ITGA6: variants seen among roughly 807,000 people sequenced by gnomAD.
ITGA6 encodes the protein integrin alpha-6.
ITGA6 carries 63 observed loss-of-function variants against 133.6 expected under a neutral mutation model. The ratio of observed to expected loss-of-function variants is 0.47; its 90% CI spans 0.38 to 0.58. ITGA6 has a LOEUF of 0.58. Among genes scored for constraint, ITGA6 ranks in the 20% least tolerant of loss-of-function variants. The probability of loss-of-function intolerance (pLI) is 0.00; values close to 1 mark genes in which losing one functional copy is unlikely to be tolerated. For missense variants in ITGA6, 1,068 were observed against 1,309.4 expected (o/e 0.82, Z 2.85); for synonymous variants, 434 against 482.0 (o/e 0.90, Z 1.30).
At chr2:172,442,837 T>G (rs1684599255) in intron 1 of ITGA6, among the ~76,000 whole-genome samples, 1 of 152,166 alleles carries the variant, frequency 6.6e-6, no homozygotes, top group Non-Finnish European at 1.5e-5. Flanking sequence ...GCTTGTTTTA[T>G]GCAATTACAA....
chr2:172,477,782 GC>G (rs1686242010), intron 9 of ITGA6, among the ~76,000 whole-genome samples: 1 of 152,134 alleles, frequency 6.6e-6, no homozygotes, highest in South Asian at 2.1e-4. Flanking sequence ...GGAAACTGAG[GC>G]CCAGGACTTG....
intron 1 of ITGA6, among the ~76,000 whole-genome samples, chr2:172,453,260 C>T (rs1219787596): frequency 6.6e-6 from 1 of 152,000 alleles, no homozygotes; most frequent in Non-Finnish European, 1.5e-5. Context: ...GGCGCAGTGG[C>T]TCATACCTGT....
At chr2:172,436,291 TAG>T (rs1684317606) in intron 1 of ITGA6, among the ~76,000 whole-genome samples, 1 of 152,188 alleles carries the variant, frequency 6.6e-6, no homozygotes, top group African/African-American at 2.4e-5. Flanking sequence ...AATCCCAGAC[TAG>T]AGAAGTGTTT....
intron 20 of ITGA6, chr2:172,489,861 A>T (rs1686847840): frequency 1.8e-6 from 1 of 547,598 alleles, no homozygotes; most frequent in African/African-American, 1.9e-5. Context: ...TATAGTACAT[A>T]AGGCAGAGTC....
chr2:172,468,189 T>TA (rs1167193775), intron 3 of ITGA6, among the ~76,000 whole-genome samples: 2 of 152,200 alleles, frequency 1.3e-5, no homozygotes, highest in Admixed American at 6.5e-5. Context: ...TTAGTAAAAA[T>TA]ATGGGCATGG....
At chr2:172,494,309 C>A (rs974487381) in intron 23 of ITGA6, among the ~76,000 whole-genome samples, 2 of 152,114 alleles carry the variant, frequency 1.3e-5, no homozygotes, top group Non-Finnish European at 2.9e-5. Context: ...GAGTTAGAGA[C>A]CAGCCTGGGT....
intron 23 of ITGA6, among the ~76,000 whole-genome samples, chr2:172,497,502 CAAAA>C (rs34616494): frequency 1.1e-5 from 1 of 89,504 alleles, no homozygotes. Context: ...ACCCTGTCTC[CAAAA>C]AAAAAAAAAA....
intron 5 of ITGA6, among the ~76,000 whole-genome samples, chr2:172,472,435 T>G (rs1685981565): frequency 6.6e-6 from 1 of 152,268 alleles, no homozygotes; most frequent in Admixed American, 6.5e-5. Context: ...TTTATAAATT[T>G]ACTTGCTGTC....
rs569123527 is a variant in ITGA6, at chr2:172,462,053, A to AGGGAGG, written c.183-3484_183-3479dup. 4.6e-5 allele frequency among the ~76,000 whole-genome samples: 7 copies of AGGGAGG among 152,344 alleles called. No homozygotes were observed. In the East Asian group the frequency reaches 1.3e-3, roughly 29 times the overall value. ...AGAGCCTTTGCTTGTTTCCCAAACC[A>AGGGAGG]GGGAGGGCAGCTTTACCTTGAGGAT... On this transcript the variant is annotated intron_variant, in intron 1 of 25. Transcript: ENST00000684293.
chr2:172,488,219 T>C lies in ITGA6; in HGVS notation c.2496T>C (p.Tyr832=). Residue 832 remains tyrosine (Y), a synonymous_variant, in exon 19 of 26, where the codon TAT becomes TAC. Transcript: ENST00000684293. ...SEDEVGSLIE[Y]EFRVINLGKP... ...ATGAAGTGGGAAGTTTAATAGAGTA[T>C]GAATTCAGGGTAAGTTGGAGCAGTT... The C allele has an allele frequency of 6.2e-7, 1 of 1,611,290 alleles. No individual in the cohort carries two copies. The highest frequency in any genetic ancestry group is 1.7e-4 in the Middle Eastern group (1 of 6,058).
At chr2:172,465,369 C>T in intron 1 of ITGA6, 170 bp from the exon 2 acceptor site, 1 of 794,686 alleles carries the variant, frequency 1.3e-6, no homozygotes, top group African/African-American at 1.7e-5. Context: ...GTGCGTTTTG[C>T]ATGAACCAGC....
chr2:172,427,592 CTCAT>C lies in ITGA6; in HGVS notation c.-193_-190del. Reference sequence around the variant, plus strand: ...CTGCGAGTCTCCAGAGAACAACGGGCTCATTCAGCGGTCGCGAGCTGCCCGCGAG... The same window carrying C: ...CTGCGAGTCTCCAGAGAACAACGGGCTCAGCGGTCGCGAGCTGCCCGCGAG... On this transcript the variant is annotated 5_prime_UTR_variant, in exon 1 of 26. Transcript: ENST00000684293. 1 of 1,266,280 alleles carries C rather than the reference CTCAT, an allele frequency of 7.9e-7. No homozygotes were observed. The highest frequency in any genetic ancestry group is 2.7e-5 in the South Asian group (1 of 37,312). The allele number at this position is 1,266,280 out of a possible 1,614,324, so 78.4% of individuals were successfully genotyped here.
intron 9 of ITGA6, 49 bp downstream of exon 9, chr2:172,476,562 T>G: frequency 3.0e-5 from 33 of 1,102,466 alleles, no homozygotes; most frequent in Non-Finnish European, 4.2e-5. Flanking sequence ...AATCAGGTTA[T>G]ACTAAAATGT....
At chr2:172,454,012 A>G (rs1685109897) in intron 1 of ITGA6, among the ~76,000 whole-genome samples, 3 of 152,118 alleles carry the variant, frequency 2.0e-5, no homozygotes, top group African/African-American at 7.2e-5. Context: ...ATTGCTGTGC[A>G]GGAAAGGCAA....
intron 2 of ITGA6, among the ~76,000 whole-genome samples, chr2:172,466,263 C>T (rs1016376612): frequency 1.3e-5 from 2 of 152,120 alleles, no homozygotes; most frequent in African/African-American, 4.8e-5. Context: ...TTGATATGTT[C>T]GGTCTAAGTA....
intron 1 of ITGA6, among the ~76,000 whole-genome samples, chr2:172,430,396 C>A (rs10205994): frequency 0.019 from 2,880 of 152,266 alleles, 89 homozygotes; most frequent in African/African-American, 0.066. Context: ...ATATTTTAAA[C>A]TCAGTCATAT....
intron 6 of ITGA6, 138 bp from the exon 7 acceptor site, chr2:172,474,791 A>C (rs905040013): frequency 2.3e-5 from 16 of 697,020 alleles, no homozygotes; most frequent in Non-Finnish European, 3.9e-5. Flanking sequence ...TTGGTTTTTA[A>C]AAAATGTTAT....
chr2:172,491,026 G>A lies in ITGA6; in HGVS notation c.2682G>A (p.Glu894=). 1 of 1,510,310 alleles carries A rather than the reference G, an allele frequency of 6.6e-7. No individual in the cohort carries two copies. The highest frequency in any genetic ancestry group is 1.1e-5 in the South Asian group (1 of 88,838). 93.6% of individuals were successfully genotyped at this position (1,510,310 alleles called of 1,614,324 possible). ...QKEINSLNLT[E]SHNSRKKREI... ...ATTTTGGATATAATTTTTTTCAGGAGTCTCACAACTCAAGAAAGAAACGGG... is the reference window on the plus strand; with the variant it reads ...ATTTTGGATATAATTTTTTTCAGGAATCTCACAACTCAAGAAAGAAACGGG... The change falls in exon 21 of 26, where the codon GAG becomes GAA. Residue 894 remains glutamate, a splice_region_variant and synonymous_variant. Coordinates refer to ENST00000684293, the MANE Select transcript of ITGA6 (RefSeq NM_000210.4). This position sits in a 1 kb window ranked among gnomAD's most constrained non-coding sequence, Gnocchi z 4.4.
intron 23 of ITGA6, among the ~76,000 whole-genome samples, chr2:172,496,451 A>C (rs1687131203): frequency 6.6e-6 from 1 of 152,196 alleles, no homozygotes. Context: ...ATTTTTTGTA[A>C]GTCAGGTGAG....
Sources: allele counts gnomAD v4.1 joint callset (sites outside exome capture counted in the v4.1 genomes callset), GRCh38; gene constraint gnomAD v4.1.1; non-coding constraint Gnocchi (gnomAD v3.1); transcripts MANE v1.5; gene names NCBI Gene and HGNC (gene_info 2026-07-23, HGNC 2026-07-21).